The following SLC38A10 variants were observed in gnomAD, a reference collection of about 807,000 sequenced individuals.
SLC38A10 encodes Sodium-coupled neutral amino acid transporter 10.
Under a neutral mutation model 81.0 loss-of-function variants are expected in SLC38A10, and 53 were observed. The ratio of observed to expected loss-of-function variants is 0.65; its 90% CI spans 0.53 to 0.82. SLC38A10 has a LOEUF of 0.82. Among genes scored for constraint, SLC38A10 ranks in the 40% least tolerant of loss-of-function variants. SLC38A10 has a pLI of 0.00. For missense variants in SLC38A10, 1,471 were observed against 1,545.0 expected (o/e 0.95, Z 0.80); for synonymous variants, 665 against 655.3 (o/e 1.01, Z -0.23).
Position 81,276,987 on chromosome 17 carries a change from G to T in SLC38A10, c.729+44C>A. 1 of 1,586,764 alleles carries T rather than the reference G, an allele frequency of 6.3e-7. No individual in the cohort carries two copies. The highest frequency in any genetic ancestry group is 8.7e-7 in the Non-Finnish European group (1 of 1,155,852). On this transcript the variant is annotated intron_variant, in intron 7 of 15. Coordinates refer to ENST00000374759, the MANE Select transcript of SLC38A10 (RefSeq NM_001037984.3). The surrounding 1 kb of genome is among the most constrained non-coding windows in gnomAD (Gnocchi z 4.7). Reference sequence around the variant, plus strand: ...CCCACGGGGCACCACGGCACATCATGCTGGCATGACACAGGGGCGGAGAGG... The same window carrying T: ...CCCACGGGGCACCACGGCACATCATTCTGGCATGACACAGGGGCGGAGAGG...
chr17:81,246,899 T>C lies in SLC38A10; in HGVS notation c.2228A>G (p.Asp743Gly). The C allele has an allele frequency of 6.3e-7, 1 of 1,599,320 alleles. No homozygotes were observed. The highest frequency in any genetic ancestry group is 8.5e-7 in the Non-Finnish European group (1 of 1,172,730). The part of the protein sequence containing the change: ...IHQQRQEDEE[D>G]KPRQVEVHQE... ...GCCCGGCCTACCCTGCCTGGGTTTA[T>C]CCTCCTCGTCCTCCTGCCTCTGCTG... The change falls in exon 15 of 16, where the codon GAT becomes GGT. Residue 743 changes from aspartate to glycine, a missense_variant. Coordinates refer to ENST00000374759, the MANE Select transcript of SLC38A10 (RefSeq NM_001037984.3).
Position 81,245,631 on chromosome 17 carries a change from C to A in SLC38A10, c.3285G>T (p.Gln1095His). The A allele has an allele frequency of 6.2e-7, 1 of 1,612,322 alleles. No homozygotes were observed. The change falls in exon 16 of 16, where the codon CAG becomes CAT. Residue 1095 changes from glutamine (Q) to histidine (H), a missense_variant. Physicochemically the swap from Gln to His is conservative, Grantham distance 24. Coordinates refer to ENST00000374759, the MANE Select transcript of SLC38A10 (RefSeq NM_001037984.3). The stretch of plus-strand genomic sequence containing the variant: ...CCACCTGCAGAGCTCCCCCCGCAGC[C>A]TGGCGGAGCTGGGCATCCAGGGCGC... ...LRGALDAQLR[Q>H]AAGGALQVVH...
At chr17:81,249,901 C>G (rs890939725) in intron 14 of SLC38A10, among the ~76,000 whole-genome samples, 13 of 152,100 alleles carry the variant, frequency 8.5e-5, no homozygotes, top group Non-Finnish European at 1.9e-4. Context: ...GCATCGGGAC[C>G]CTGCCTGAGG....
intron 2 of SLC38A10, 103 bp from the exon 3 acceptor site, chr17:81,284,998 C>T (rs774599366): frequency 1.1e-5 from 11 of 1,001,886 alleles, no homozygotes; most frequent in African/African-American, 3.4e-5. Flanking sequence ...CAGAAACCCA[C>T]GGGCCCAGAT....
chr17:81,288,036 C>CT lies in SLC38A10; in HGVS notation c.217+1654dup, dbSNP rs1225911003. Among the ~76,000 whole-genome samples the CT allele has an allele frequency of 6.6e-6, 1 of 152,236 alleles. No individual in the cohort carries two copies. The highest frequency in any genetic ancestry group is 1.5e-5 in the Non-Finnish European group (1 of 68,046). On this transcript the variant is annotated intron_variant, in intron 2 of 15. Transcript: ENST00000374759. This position sits in a 1 kb window ranked among gnomAD's most constrained non-coding sequence, Gnocchi z 5.4. ...TTAGGCCATCTCACTGTGGATCAAA[C>CT]TTAACAGTGAACTTCACTTCCTCAA...
In SLC38A10 at chr17:81,276,384, CT is replaced by C. The variant is rs2063162593; in HGVS notation, c.730-234del. Among the ~76,000 whole-genome samples, 1 of 149,298 alleles carries C rather than the reference CT, an allele frequency of 6.7e-6. No homozygotes were observed. Among genetic ancestry groups the C allele is most frequent in the Admixed American group, 6.6e-5 (1 of 15,090 alleles). On this transcript the variant is annotated intron_variant, in intron 7 of 15. Transcript: ENST00000374759. The surrounding 1 kb of genome is among the most constrained non-coding windows in gnomAD (Gnocchi z 4.7). The stretch of plus-strand genomic sequence containing the variant: ...AGAACATGCCCATTTCTTTCTTTTT[CT>C]TTCTTTTTTTTTTTTTTTGAGACGG...
At chr17:81,250,519 C>A (rs1268367433) in intron 14 of SLC38A10, among the ~76,000 whole-genome samples, 1 of 152,242 alleles carries the variant, frequency 6.6e-6, no homozygotes, top group Non-Finnish European at 1.5e-5. Context: ...AGCTCCCACA[C>A]CTGCTCCCAG....
At chr17:81,264,324 A>G (rs1254312593) in intron 10 of SLC38A10, 1 of 152,340 alleles carries the variant, frequency 6.6e-6, no homozygotes, top group East Asian at 1.9e-4. Flanking sequence ...GGACGCGGTC[A>G]TTCAACGGAC....
At chr17:81,284,816 T>C in intron 3 of SLC38A10, 34 bp downstream of exon 3, 1 of 1,211,338 alleles carries the variant, frequency 8.3e-7, no homozygotes, top group Non-Finnish European at 1.1e-6. Flanking sequence ...GGTGCGGGGG[T>C]GGGGGGCAAG....
At chr17:81,261,646 TCTA>T (rs894688962) in intron 10 of SLC38A10, among the ~76,000 whole-genome samples, 7 of 152,348 alleles carry the variant, frequency 4.6e-5, no homozygotes, top group African/African-American at 1.4e-4. Flanking sequence ...GCCCGCTTCC[TCTA>T]CTTCCTTCTC....
At chr17:81,246,824 T>G (rs1374621104) in intron 15 of SLC38A10, 61 bp downstream of exon 15, 3 of 1,527,828 alleles carry the variant, frequency 2.0e-6, no homozygotes, top group East Asian at 2.3e-5. Flanking sequence ...CCCAGCCGCA[T>G]GAGGACAGCA....
chr17:81,294,816 G>A lies in SLC38A10; in HGVS notation c.99+7C>T, dbSNP rs759908016. On this transcript the variant is annotated splice_region_variant and intron_variant, in intron 1 of 15. Transcript: ENST00000374759. ...AGGGCGGTGATCTCCGGGCCCACCG[G>A]ACTCACCTGTTTGAAGCAGAAGGGC... 24 of 1,581,060 alleles carry A rather than the reference G, an allele frequency of 1.5e-5. No homozygotes were observed. Among genetic ancestry groups the A allele is most frequent in the Non-Finnish European group, 2.0e-5 (23 of 1,164,904 alleles).
chr17:81,291,113 C>A (rs905867495), intron 1 of SLC38A10, among the ~76,000 whole-genome samples: 1 of 152,196 alleles, frequency 6.6e-6, no homozygotes. Flanking sequence ...GTCACGTGAA[C>A]CTAGCTGGAC....
rs112320625 is a variant in SLC38A10 at position 81,244,944 on chromosome 17, C to T, written c.*612G>A. 4 of 164,554 alleles carry T rather than the reference C, an allele frequency of 2.4e-5. No homozygotes were observed. Among genetic ancestry groups the T allele is most frequent in the African/African-American group, 7.1e-5 (3 of 41,976 alleles). 10.2% of individuals were successfully genotyped at this position (164,554 alleles called of 1,614,324 possible). A position where few individuals can be genotyped will look rare whatever the true frequency, so the allele number is the denominator to read the frequency against. ...CCGGCCAGTGCCCCTGGACACCCGG[C>T]TTGTCTGGCCCCTGCTCCCTGTGCT... is the stretch of plus-strand genomic sequence containing the variant. On this transcript the variant is annotated 3_prime_UTR_variant, in exon 16 of 16. Transcript: ENST00000374759.
intron 11 of SLC38A10, among the ~76,000 whole-genome samples, chr17:81,258,175 G>A (rs1264962837): frequency 6.6e-6 from 1 of 152,198 alleles, no homozygotes; most frequent in African/African-American, 2.4e-5. Flanking sequence ...CACCCAGTCA[G>A]CAGGTACCAT....
rs1316705225 is a variant in SLC38A10, at chr17:81,294,934, AG to A, written c.-14del. On this transcript the variant is annotated 5_prime_UTR_variant, in exon 1 of 16. Transcript: ENST00000374759. Reference sequence around the variant, plus strand: ...CGGCCGCGGTCATAGTGAGAGGTCTAGGGGCCCGGGGCGAGAGGCCTCGGGG... The same window carrying A: ...CGGCCGCGGTCATAGTGAGAGGTCTAGGGCCCGGGGCGAGAGGCCTCGGGG... 1 of 1,578,924 alleles carries A rather than the reference AG, an allele frequency of 6.3e-7. No individual in the cohort carries two copies. The highest frequency in any genetic ancestry group is 8.6e-7 in the Non-Finnish European group (1 of 1,164,564).
At position 81,276,882 on chromosome 17, in the gene SLC38A10, C is replaced by T. The variant is rs1163423712; in HGVS notation, c.729+149G>A. On this transcript the variant is annotated intron_variant, in intron 7 of 15. Coordinates refer to ENST00000374759, the MANE Select transcript of SLC38A10 (RefSeq NM_001037984.3). The surrounding 1 kb of genome is among the most constrained non-coding windows in gnomAD (Gnocchi z 4.7). Reference sequence around the variant, plus strand: ...AGCTGATGGAGCTGCCCCAGGTCCCCGCGCAGCCTCCAGACACTGGGATGG... The same window carrying T: ...AGCTGATGGAGCTGCCCCAGGTCCCTGCGCAGCCTCCAGACACTGGGATGG... 8 of 720,898 alleles carry T rather than the reference C, an allele frequency of 1.1e-5. No individual in the cohort carries two copies. Among genetic ancestry groups the T allele is most frequent in the Admixed American group, 4.7e-5 (2 of 42,172 alleles). 44.7% of individuals were successfully genotyped at this position (720,898 alleles called of 1,614,324 possible).
At chr17:81,284,300 C>T (rs575819975) in intron 3 of SLC38A10, among the ~76,000 whole-genome samples, 5 of 151,986 alleles carry the variant, frequency 3.3e-5, no homozygotes, top group Non-Finnish European at 7.4e-5. Context: ...TGCAGTGAGC[C>T]GAGATCACAG....
At chr17:81,250,637 G>A (rs1349807402) in intron 14 of SLC38A10, among the ~76,000 whole-genome samples, 2 of 152,244 alleles carry the variant, frequency 1.3e-5, no homozygotes, top group Non-Finnish European at 2.9e-5. Context: ...ATGGGGCAGG[G>A]TTGACCATCT....
Sources: allele counts gnomAD v4.1 joint callset (sites outside exome capture counted in the v4.1 genomes callset), GRCh38; gene constraint gnomAD v4.1.1; non-coding constraint Gnocchi (gnomAD v3.1); transcripts MANE v1.5; gene names NCBI Gene and HGNC (gene_info 2026-07-23, HGNC 2026-07-21).